Variants in SEC63 observed in about 807,000 individuals in gnomAD.
The protein encoded by SEC63 is SEC63 protein translocation regulator.
A neutral mutation model predicts 116.2 loss-of-function variants in SEC63; 56 were observed. The ratio of observed to expected loss-of-function variants is 0.48; its 90% CI spans 0.39 to 0.60. The LOEUF (loss-of-function observed/expected upper bound fraction) is 0.60, where lower values mean the gene tolerates loss of function less well. Ranked by LOEUF, SEC63 falls within the 20% of genes least tolerant of loss-of-function variation. The pLI is 0.00. For missense variants in SEC63, 668 were observed against 900.0 expected (o/e 0.74, Z 3.30); for synonymous variants, 273 against 294.6 (o/e 0.93, Z 0.75).
At position 107,893,594 on chromosome 6, in the gene SEC63, T is replaced by C; in HGVS notation, c.1562A>G (p.Lys521Arg). The C allele has an allele frequency of 1.2e-6, 2 of 1,604,058 alleles. No homozygotes were observed. The highest frequency in any genetic ancestry group is 1.1e-5 in the South Asian group (1 of 87,662). The change falls in exon 16 of 21, where the codon AAG becomes AGG. Residue 521 changes from lysine (K) to arginine (R), a missense_variant. Physicochemically the swap from Lys to Arg is conservative, Grantham distance 26 (BLOSUM62 2). Coordinates refer to ENST00000369002, the MANE Select transcript of SEC63 (RefSeq NM_007214.5). ...CTTTTTTTTTGATTTAGCAGTTTTC[T>C]TGGGTCCTTTACTCTTCTGTTGCCA... ...GGWQQKSKGP[K>R]KTAKSKKKKP...
At chr6:107,876,433 CAA>C in intron 19 of SEC63, 129 bp downstream of exon 19, 1 of 663,868 alleles carries the variant, frequency 1.5e-6, no homozygotes, top group Non-Finnish European at 2.7e-6. Flanking sequence ...AGAACAGTTA[CAA>C]AATGCAGGCA....
intron 5 of SEC63, 22 bp from the exon 6 acceptor site, chr6:107,912,796 T>A (rs965628367): frequency 1.4e-5 from 22 of 1,579,828 alleles, no homozygotes; most frequent in Non-Finnish European, 1.9e-5. Flanking sequence ...AAAATATCAG[T>A]TTCTGAAGAA....
rs772749436 is a variant in SEC63, at chr6:107,903,012, G to C, written c.1055-14C>G. On this transcript the variant is annotated splice_polypyrimidine_tract_variant and intron_variant, in intron 11 of 20. Coordinates refer to ENST00000369002, the MANE Select transcript of SEC63 (RefSeq NM_007214.5). Reference sequence around the variant, plus strand: ...GAAACTCCCTTTCTTAGAAAGAACAGGAAAAAAAGAAACAGGGCTGGACTT... The same window carrying C: ...GAAACTCCCTTTCTTAGAAAGAACACGAAAAAAAGAAACAGGGCTGGACTT... 1 of 1,613,498 alleles carries C rather than the reference G, an allele frequency of 6.2e-7. No homozygotes were observed. The highest frequency in any genetic ancestry group is 1.1e-5 in the South Asian group (1 of 91,072).
chr6:107,877,806 G>T (rs906167406), intron 18 of SEC63, among the ~76,000 whole-genome samples: 1 of 152,168 alleles, frequency 6.6e-6, no homozygotes, highest in Admixed American at 6.5e-5. Context: ...ATTAAAATTT[G>T]GTTTATCTTT....
chr6:107,890,071 G>A (rs1367316697), intron 16 of SEC63, among the ~76,000 whole-genome samples: 1 of 152,192 alleles, frequency 6.6e-6, no homozygotes, highest in Non-Finnish European at 1.5e-5. Context: ...ATTTGGGCTG[G>A]AGAGTTCTGT....
chr6:107,946,486 T>C (rs923932290), intron 1 of SEC63, among the ~76,000 whole-genome samples: 1 of 152,154 alleles, frequency 6.6e-6, no homozygotes, highest in African/African-American at 2.4e-5. Context: ...ATTACAGGTG[T>C]GAGCCACCAC....
chr6:107,948,315 AAC>A (rs1188813330), intron 1 of SEC63, among the ~76,000 whole-genome samples: 1 of 152,086 alleles, frequency 6.6e-6, no homozygotes, highest in Admixed American at 6.5e-5. Flanking sequence ...GAGTCCAACA[AAC>A]AGTCTTCCAC....
intron 2 of SEC63, among the ~76,000 whole-genome samples, chr6:107,927,698 G>C (rs1426578911): frequency 2.6e-5 from 4 of 152,020 alleles, no homozygotes; most frequent in Non-Finnish European, 5.9e-5. Context: ...AAATACATGC[G>C]TCCCTTGGTA....
chr6:107,888,751 T>A (rs1191966132), intron 16 of SEC63, among the ~76,000 whole-genome samples: 1 of 152,192 alleles, frequency 6.6e-6, no homozygotes, highest in African/African-American at 2.4e-5. Flanking sequence ...GCTCTTATTT[T>A]GAGGTACGTT....
chr6:107,931,127 A>G (rs1426700274), intron 1 of SEC63, among the ~76,000 whole-genome samples: 2 of 151,998 alleles, frequency 1.3e-5, no homozygotes, highest in Non-Finnish European at 2.9e-5. Flanking sequence ...CAGGAATTCG[A>G]GACCAGCCAG....
chr6:107,937,123 A>ATTTTTTTTTTT (rs3062082), intron 1 of SEC63, among the ~76,000 whole-genome samples: 2 of 129,914 alleles, frequency 1.5e-5, no homozygotes, highest in Non-Finnish European at 1.6e-5. Flanking sequence ...TATGTACCAC[A>ATTTTTTTTTTT]TTTTTTTTTT....
chr6:107,895,620 G>A (rs1347663942), intron 14 of SEC63, among the ~76,000 whole-genome samples: 1 of 152,040 alleles, frequency 6.6e-6, no homozygotes, highest in Non-Finnish European at 1.5e-5. Context: ...TGTATTTCTT[G>A]CAGATGCTCA....
chr6:107,945,296 CTTTCT>C (rs1218217840), intron 1 of SEC63, among the ~76,000 whole-genome samples: 11 of 150,802 alleles, frequency 7.3e-5, no homozygotes, highest in African/African-American at 1.7e-4. Context: ...TAAAGAATAT[CTTTCT>C]TTTCTTTTTT....
chr6:107,893,932 T>C (rs1299820088), intron 14 of SEC63, 35 bp from the exon 15 acceptor site: 1 of 1,601,988 alleles, frequency 6.2e-7, no homozygotes, highest in Admixed American at 1.7e-5. Context: ...ACAAAATCTG[T>C]CAACCTATAT....
intron 14 of SEC63, among the ~76,000 whole-genome samples, chr6:107,895,036 T>G (rs548231229): frequency 1.3e-5 from 2 of 152,336 alleles, no homozygotes; most frequent in Non-Finnish European, 2.9e-5. Flanking sequence ...CACTCCCTAG[T>G]CTAATTATAT....
intron 13 of SEC63, among the ~76,000 whole-genome samples, chr6:107,899,222 C>G (rs1035845679): frequency 6.6e-6 from 1 of 152,128 alleles, no homozygotes; most frequent in East Asian, 1.9e-4. Flanking sequence ...CCCTTTCCTG[C>G]TTCTATATTT....
At chr6:107,879,690 GA>G (rs1246680017) in intron 18 of SEC63, among the ~76,000 whole-genome samples, 1 of 150,166 alleles carries the variant, frequency 6.7e-6, no homozygotes, top group African/African-American at 2.4e-5. Flanking sequence ...GATTAAATTT[GA>G]AAAAGGCATT....
chr6:107,917,762 T>C (rs1186361075), intron 4 of SEC63, among the ~76,000 whole-genome samples: 1 of 152,160 alleles, frequency 6.6e-6, no homozygotes, highest in Non-Finnish European at 1.5e-5. Flanking sequence ...TAACGAAGGC[T>C]GAGAGAGGTG....
chr6:107,884,370 A>G (rs1336157774), intron 16 of SEC63, among the ~76,000 whole-genome samples: 3 of 152,240 alleles, frequency 2.0e-5, no homozygotes, highest in Admixed American at 2.0e-4. Context: ...ATCAAGAAAA[A>G]AAAAGAATAA....
Sources: gnomAD v4.1 joint callset for allele counts (sites outside exome capture counted in the v4.1 genomes callset) on GRCh38, gnomAD v4.1.1 for gene constraint, MANE v1.5 for transcripts, NCBI Gene and HGNC (gene_info 2026-07-23, HGNC 2026-07-21) for gene names.